Variants in SPEF2 observed in about 807,000 individuals in gnomAD.
The protein encoded by SPEF2 is sperm flagella and cilia-associated protein 2.
Under a neutral mutation model 224.6 loss-of-function variants are expected in SPEF2, and 187 were observed. The observed-to-expected ratio is 0.83, with a 90% CI of 0.74 to 0.94. The LOEUF (loss-of-function observed/expected upper bound fraction) is 0.94, where lower values mean the gene tolerates loss of function less well. SPEF2 is among the 40% of genes least tolerant of loss of function. The pLI is 0.00. For synonymous variants in SPEF2, 715 were observed against 707.3 expected (o/e 1.01, Z -0.17); for missense variants, 2,170 against 2,135.6 (o/e 1.02, Z -0.32).
intron 1 of SPEF2, among the ~76,000 whole-genome samples, chr5:35,626,105 C>T (rs2149363846): frequency 6.6e-6 from 1 of 152,264 alleles, no homozygotes; most frequent in South Asian, 2.1e-4. Context: ...CCAGGCGGTA[C>T]AATAGATCTA....
At chr5:35,788,372 G>T (rs1239010822) in intron 30 of SPEF2, 1 of 702,966 alleles carries the variant, frequency 1.4e-6, no homozygotes, top group East Asian at 2.7e-5. Context: ...TAAAAAATCA[G>T]CAAGAATGTT....
intron 4 of SPEF2, among the ~76,000 whole-genome samples, chr5:35,644,910 G>A (rs1029493128): frequency 3.9e-5 from 6 of 152,128 alleles, no homozygotes; most frequent in East Asian, 1.9e-4. Context: ...ATGTCCTCTC[G>A]CTTTCTCCTC....
rs11350411 is a variant in SPEF2, at chr5:35,771,949, TG to T, written c.3949+194del. On this transcript the variant is annotated intron_variant, in intron 27 of 36. Transcript: ENST00000356031. ...TATTGCATACCAAGCCCACCTAACT[TG>T]TTTAACCAAATAGCCAGATGTACTC... Among the ~76,000 whole-genome samples, 12,927 of 152,222 alleles carry T rather than the reference TG, an allele frequency of 0.085. 682 individuals carry two copies. Among genetic ancestry groups the T allele is most frequent in the African/African-American group, 0.15 (6,132 of 41,520 alleles).
intron 1 of SPEF2, among the ~76,000 whole-genome samples, chr5:35,626,029 G>A (rs578232021): frequency 7.2e-5 from 11 of 152,272 alleles, no homozygotes; most frequent in African/African-American, 2.2e-4. Context: ...ATGGTGTTGC[G>A]TTAAAGTCGG....
chr5:35,769,686 C>G (rs1752527254), intron 26 of SPEF2, among the ~76,000 whole-genome samples: 1 of 152,126 alleles, frequency 6.6e-6, no homozygotes, highest in Non-Finnish European at 1.5e-5. Context: ...CAAGATTTAT[C>G]ACTCATAGAA....
In SPEF2 at chr5:35,637,145, T is replaced by C. The variant is rs138608349; in HGVS notation, c.162-4286T>C. ...CCGGTTTTCATAGCCACCATGGAGCTAGGGAGTGAGGTATGGACATGGAGC... is the reference window on the plus strand; with the variant it reads ...CCGGTTTTCATAGCCACCATGGAGCCAGGGAGTGAGGTATGGACATGGAGC... On this transcript the variant is annotated intron_variant, in intron 2 of 36. Coordinates refer to ENST00000356031, the MANE Select transcript of SPEF2 (RefSeq NM_024867.4). Among the ~76,000 whole-genome samples, 611 of 152,192 alleles carry C rather than the reference T, an allele frequency of 4.0e-3. 16 individuals are homozygous for C. The highest frequency in any genetic ancestry group is 0.038 in the Admixed American group (579 of 15,270).
chr5:35,768,525 T>C (rs1358546594), intron 26 of SPEF2, among the ~76,000 whole-genome samples: 1 of 152,172 alleles, frequency 6.6e-6, no homozygotes, highest in East Asian at 1.9e-4. Flanking sequence ...ATCTATAATA[T>C]TGGAGATAGT....
intron 20 of SPEF2, among the ~76,000 whole-genome samples, chr5:35,725,010 C>T (rs191664330): frequency 0.014 from 2,097 of 152,278 alleles, 43 homozygotes; most frequent in African/African-American, 0.049. Flanking sequence ...AGAGTAACAG[C>T]ATAAATTTTA....
chr5:35,635,775 T>C (rs1328559802), intron 2 of SPEF2, among the ~76,000 whole-genome samples: 3 of 152,206 alleles, frequency 2.0e-5, no homozygotes, highest in Middle Eastern at 3.2e-3. Context: ...CATTGAAAAT[T>C]CGTCAGATTT....
intron 23 of SPEF2, among the ~76,000 whole-genome samples, chr5:35,743,326 C>G (rs1185623653): frequency 6.6e-6 from 1 of 151,830 alleles, no homozygotes; most frequent in African/African-American, 2.4e-5. Context: ...AAATTCAATC[C>G]AGGCAATAAA....
rs535438741 is a variant in SPEF2, at chr5:35,733,326, G to A, written c.3063+5503G>A. ...AGATGGGGTTTTACCGTGTTAGCCA[G>A]GATGGTCGCGATCTCCTCACCTCGT... is the stretch of plus-strand genomic sequence containing the variant. On this transcript the variant is annotated intron_variant, in intron 21 of 36. Transcript: ENST00000356031. Among the ~76,000 whole-genome samples the A allele has an allele frequency of 2.0e-5, 3 of 152,220 alleles. No individual in the cohort carries two copies. In the East Asian group the frequency reaches 5.8e-4, roughly 29 times the overall value.
chr5:35,726,984 C>CG (rs1198395394), intron 20 of SPEF2, among the ~76,000 whole-genome samples: 2 of 72,994 alleles, frequency 2.7e-5, no homozygotes, highest in East Asian at 4.6e-4. Context: ...TCCCAAGCAC[C>CG]CCCCCCCTTT....
At chr5:35,789,918 A>G (rs1755717028) in intron 30 of SPEF2, 2 of 702,950 alleles carry the variant, frequency 2.8e-6, no homozygotes, top group Non-Finnish European at 5.2e-6. Flanking sequence ...TTAGAGATTT[A>G]TGCCAGGTAA....
At chr5:35,787,831 A>G (rs373231526) in intron 30 of SPEF2, 42 of 547,842 alleles carry the variant, frequency 7.7e-5, no homozygotes, top group African/African-American at 7.1e-4. Context: ...AGAAATTGGG[A>G]TTACTTAAAA....
At chr5:35,634,839 G>T (rs1490357587) in intron 2 of SPEF2, among the ~76,000 whole-genome samples, 1 of 151,648 alleles carries the variant, frequency 6.6e-6, no homozygotes, top group African/African-American at 2.4e-5. Flanking sequence ...GCCAATATTT[G>T]TATATTATTA....
chr5:35,797,657 C>T (rs931378626), intron 33 of SPEF2, among the ~76,000 whole-genome samples: 3 of 152,140 alleles, frequency 2.0e-5, no homozygotes, highest in African/African-American at 7.2e-5. Flanking sequence ...ACAAGCAAAA[C>T]AGGTTAACTA....
At chr5:35,787,826 T>TCTCGG in intron 30 of SPEF2, 1 of 544,764 alleles carries the variant, frequency 1.8e-6, no homozygotes, top group Non-Finnish European at 3.2e-6. Context: ...AGGGTAGAAA[T>TCTCGG]TGGGATTACT....
intron 21 of SPEF2, among the ~76,000 whole-genome samples, chr5:35,738,236 T>C (rs1167918078): frequency 1.3e-5 from 2 of 152,178 alleles, no homozygotes; most frequent in Non-Finnish European, 2.9e-5. Context: ...CAATTGTCAA[T>C]TTTGGCTTTT....
At chr5:35,751,030 T>C (rs1749398729) in intron 23 of SPEF2, among the ~76,000 whole-genome samples, 2 of 102,066 alleles carry the variant, frequency 2.0e-5, no homozygotes, top group South Asian at 6.8e-4. Flanking sequence ...TATACGTATA[T>C]ATATACACAT....
Sources: gnomAD v4.1 joint callset for allele counts (sites outside exome capture counted in the v4.1 genomes callset) on GRCh38, gnomAD v4.1.1 for gene constraint, MANE v1.5 for transcripts, NCBI Gene and HGNC (gene_info 2026-07-23, HGNC 2026-07-21) for gene names.